Variants in ACBD6 observed in about 807,000 individuals in gnomAD.
The protein encoded by ACBD6 is acyl-CoA-binding domain-containing protein 6.
Under a neutral mutation model 37.2 loss-of-function variants are expected in ACBD6, and 28 were observed. That is an observed-to-expected ratio of 0.75 (90% CI 0.56 to 1.03). The LOEUF (loss-of-function observed/expected upper bound fraction) is 1.03. Ranked by LOEUF, ACBD6 falls within the 50% of genes least tolerant of loss-of-function variation. ACBD6 has a pLI of 0.00. For missense variants in ACBD6, 340 were observed against 337.4 expected, an observed-to-expected ratio of 1.01 and a Z score of -0.06; for synonymous variants, 113 against 126.8, an observed-to-expected ratio of 0.89 and a Z score of 0.73.
At chr1:180,453,596 G>A (rs1649798923) in intron 3 of ACBD6, among the ~76,000 whole-genome samples, 1 of 152,158 alleles carries the variant, frequency 6.6e-6, no homozygotes. Context: ...AGGAAGAGAG[G>A]AAGTCAAATT....
At chr1:180,493,275 A>C (rs1651592965) in intron 2 of ACBD6, among the ~76,000 whole-genome samples, 1 of 137,730 alleles carries the variant, frequency 7.3e-6, no homozygotes, top group African/African-American at 3.1e-5. Context: ...AAAAAAAAAA[A>C]AAACAACAAC....
intron 5 of ACBD6, among the ~76,000 whole-genome samples, chr1:180,412,437 T>C (rs1197419582): frequency 6.6e-6 from 1 of 152,246 alleles, no homozygotes; most frequent in Non-Finnish European, 1.5e-5. Context: ...GCCATTTCAG[T>C]AATCTTTCAC....
At chr1:180,344,960 A>G (rs182296866) in intron 6 of ACBD6, among the ~76,000 whole-genome samples, 79 of 152,348 alleles carry the variant, frequency 5.2e-4, no homozygotes, top group African/African-American at 1.9e-3. Flanking sequence ...CAAAACTGAC[A>G]TATCATCAGA....
chr1:180,439,351 G>A (rs112182753), intron 3 of ACBD6, among the ~76,000 whole-genome samples: 2 of 152,244 alleles, frequency 1.3e-5, no homozygotes, highest in East Asian at 1.9e-4. Context: ...GGGGGAGGCC[G>A]AGGCGGGTGG....
At chr1:180,421,522 G>A (rs964635265) in intron 4 of ACBD6, among the ~76,000 whole-genome samples, 1 of 152,156 alleles carries the variant, frequency 6.6e-6, no homozygotes, top group Non-Finnish European at 1.5e-5. Flanking sequence ...ACCCAGTAAA[G>A]GGATTGCTGA....
At chr1:180,480,159 C>T (rs1650969484) in intron 3 of ACBD6, among the ~76,000 whole-genome samples, 1 of 152,060 alleles carries the variant, frequency 6.6e-6, no homozygotes, top group South Asian at 2.1e-4. Context: ...TAAAGGGGAA[C>T]CACTTTTAAA....
At chr1:180,277,032 A>G (rs1649079309) in intron 9 of ACBD6, 2 of 152,156 alleles carry the variant, frequency 1.3e-5, no homozygotes, top group South Asian at 4.1e-4. Flanking sequence ...TGGCATCAGT[A>G]GGGCTGGTTA....
intron 7 of ACBD6, among the ~76,000 whole-genome samples, chr1:180,290,285 C>T (rs951470334): frequency 1.3e-5 from 2 of 152,084 alleles, no homozygotes; most frequent in Non-Finnish European, 2.9e-5. Flanking sequence ...ACCTTCTGGG[C>T]TCAAGCAAAT....
At chr1:180,290,670 C>A (rs1255931827) in intron 7 of ACBD6, among the ~76,000 whole-genome samples, 1 of 152,190 alleles carries the variant, frequency 6.6e-6, no homozygotes, top group African/African-American at 2.4e-5. Context: ...GGAAACACTA[C>A]AAATTGGTAG....
rs1650833519 is a variant in ACBD6 at position 180,316,873 on chromosome 1, GTGA to G, written c.664-2154_664-2152del. ...AAATAAATATATTTAATACTAGGAA[GTGA>G]TGAGTACGCTGGAAAACAATCAAAA... On this transcript the variant is annotated intron_variant, in intron 6 of 7. Transcript: ENST00000367595. 2.0e-5 allele frequency among the ~76,000 whole-genome samples: 3 copies of G among 152,172 alleles called. No individual in the cohort carries two copies. In the South Asian group the frequency reaches 6.2e-4, roughly 31 times the overall value.
At chr1:180,363,172 A>G (rs1224168904) in intron 6 of ACBD6, among the ~76,000 whole-genome samples, 5 of 152,252 alleles carry the variant, frequency 3.3e-5, no homozygotes, top group Non-Finnish European at 5.9e-5. Context: ...TACAGATTAA[A>G]CAGGATTGGC....
chr1:180,290,511 T>C (rs1278603823), intron 7 of ACBD6, among the ~76,000 whole-genome samples: 1 of 152,176 alleles, frequency 6.6e-6, no homozygotes, highest in African/African-American at 2.4e-5. Flanking sequence ...ACTGTACCAG[T>C]CCAGTCAGGA....
At chr1:180,434,699 TCCAAACCAAA>T (rs1648950457) in intron 3 of ACBD6, 3 of 457,908 alleles carry the variant, frequency 6.6e-6, no homozygotes, top group Non-Finnish European at 1.2e-5. Flanking sequence ...GTCCTGTCTT[TCCAAACCAAA>T]CCAATGTATT....
At position 180,360,981 on chromosome 1, in the gene ACBD6, AG is replaced by A. The variant is rs1652824907; in HGVS notation, c.663+36534del. ...GACACTTTTCAAAGCCATCACGCAA[AG>A]GGGGGTCAGTTGAATTTTTTTTACT... is the stretch of plus-strand genomic sequence containing the variant. On this transcript the variant is annotated intron_variant, in intron 6 of 7. Coordinates refer to ENST00000367595, the MANE Select transcript of ACBD6 (RefSeq NM_032360.4). Among the ~76,000 whole-genome samples, 4 of 152,244 alleles carry A rather than the reference AG, an allele frequency of 2.6e-5. No individual in the cohort carries two copies. The South Asian group carries it at 8.3e-4, about 32-fold the overall frequency.
chr1:180,430,955 T>G (rs1648788713), intron 3 of ACBD6, among the ~76,000 whole-genome samples: 1 of 152,162 alleles, frequency 6.6e-6, no homozygotes, highest in South Asian at 2.1e-4. Flanking sequence ...AAGTGCAACC[T>G]CTGCAAAACC....
rs563018382 is a variant in ACBD6 at position 180,405,141 on chromosome 1, A to C, written c.574-7536T>G. 8.5e-5 allele frequency among the ~76,000 whole-genome samples: 13 copies of C among 152,290 alleles called. No homozygotes were observed. The South Asian group carries it at 1.5e-3, about 17-fold the overall frequency. On this transcript the variant is annotated intron_variant, in intron 5 of 7. Coordinates refer to ENST00000367595, the MANE Select transcript of ACBD6 (RefSeq NM_032360.4). ...GCATTTTTTCTTCCTTCCTTTCTCA[A>C]ATCTCATATAACTGCATAAATTTAG...
intron 3 of ACBD6, among the ~76,000 whole-genome samples, chr1:180,458,765 T>A (rs138628157): frequency 1.4e-4 from 21 of 152,306 alleles, no homozygotes; most frequent in African/African-American, 4.1e-4. Flanking sequence ...TCTGGATTCA[T>A]AATATTGGGA....
chr1:180,288,292 A>G lies in ACBD6; in HGVS notation c.*71T>C, dbSNP rs1649568652. 1.9e-6 allele frequency: 3 copies of G among 1,599,020 alleles called. No homozygotes were observed. The East Asian group carries it at 6.7e-5, about 36-fold the overall frequency. ...TACCAAAGACGGGTGGAAAAGAAGT[A>G]TTATTTTTGTAGTTTTCTTTCATAA... is the stretch of plus-strand genomic sequence containing the variant. On this transcript the variant is annotated 3_prime_UTR_variant, in exon 8 of 8. Transcript: ENST00000367595.
intron 3 of ACBD6, among the ~76,000 whole-genome samples, chr1:180,489,534 A>G (rs1651406050): frequency 6.6e-6 from 1 of 151,520 alleles, no homozygotes; most frequent in Admixed American, 6.6e-5. Context: ...TATTTAATGT[A>G]TTAAATAATT....
Sources: gnomAD v4.1 joint callset for allele counts (sites outside exome capture counted in the v4.1 genomes callset) on GRCh38, gnomAD v4.1.1 for gene constraint, MANE v1.5 for transcripts, NCBI Gene and HGNC (gene_info 2026-07-23, HGNC 2026-07-21) for gene names.